Variants in CENPI observed in about 807,000 individuals in gnomAD.
The protein encoded by CENPI is FSH primary response 1.
A neutral mutation model predicts 60.4 loss-of-function variants in CENPI; 4 were observed. That is an observed-to-expected ratio of 0.07 (90% CI 0.03 to 0.15). CENPI has a LOEUF of 0.15. CENPI is among the 10% of genes least tolerant of loss of function. The probability of loss-of-function intolerance (pLI) is 1.00; values close to 1 mark genes in which losing one functional copy is unlikely to be tolerated. For missense variants in CENPI, 444 were observed against 534.5 expected (o/e 0.83, Z 1.67); for synonymous variants, 157 against 189.4 (o/e 0.83, Z 1.40).
intron 15 of CENPI, among the ~76,000 whole-genome samples, chrX:101,136,479 C>T (rs940787733): frequency 8.9e-6 from 1 of 112,049 alleles, no homozygotes; most frequent in South Asian, 3.7e-4. Context: ...ATTAGCTAAA[C>T]GTTAGTTTCT....
intron 6 of CENPI, among the ~76,000 whole-genome samples, chrX:101,110,583 C>G (rs933426568): frequency 8.9e-6 from 1 of 112,329 alleles, no homozygotes; most frequent in Non-Finnish European, 1.9e-5. Context: ...ATGTGAATCA[C>G]TCATCTAACT....
chrX:101,151,550 C>T (rs1415392726), intron 20 of CENPI, among the ~76,000 whole-genome samples: 3 of 111,436 alleles, frequency 2.7e-5, no homozygotes, highest in African/African-American at 6.5e-5. Context: ...TATGATGAAG[C>T]CAGGCACGGG....
chrX:101,176,882 G>A, the CENPI span, among the ~76,000 whole-genome samples: 1 of 112,237 alleles, frequency 8.9e-6, no homozygotes, highest in Admixed American at 9.5e-5. Flanking sequence ...AGTCTTTACC[G>A]TGCTGAGTTG....
chrX:101,128,622 G>A, intron 11 of CENPI, 94 bp from the exon 12 acceptor site: 2 of 958,121 alleles, frequency 2.1e-6, no homozygotes, highest in Non-Finnish European at 2.9e-6. Context: ...GAGCCACCAT[G>A]CCCAGCCTAT....
At position 101,127,228 on chromosome X, in the gene CENPI, T is replaced by A. The variant is rs759323271; in HGVS notation, c.868T>A (p.Leu290Met). ...NRGPSPEPLK[L>M]MLGPANVRPL... ...GGGACCTTCTCCAGAACCTCTGAAG[T>A]TGATGTTAGGTCCAGCTAATGTTCG... Residue 290 changes from leucine to methionine, a missense_variant, in exon 10 of 22, where the codon TTG becomes ATG. Leu to Met is a conservative substitution (Grantham distance 15). Transcript: ENST00000682095. The A allele has an allele frequency of 8.4e-7, 1 of 1,195,250 alleles. No individual in the cohort carries two copies. Among genetic ancestry groups the A allele is most frequent in the Admixed American group, 2.3e-5 (1 of 44,218 alleles).
intron 6 of CENPI, among the ~76,000 whole-genome samples, chrX:101,113,281 T>TCA (rs2089576153): frequency 1.5e-5 from 1 of 68,065 alleles, no homozygotes; most frequent in African/African-American, 6.0e-5. Context: ...CTCCATCCCT[T>TCA]TACACACACA....
chrX:101,147,740 A>G, intron 18 of CENPI, 23 bp from the exon 19 acceptor site: 1 of 1,163,330 alleles, frequency 8.6e-7, no homozygotes, highest in Non-Finnish European at 1.2e-6. Flanking sequence ...TAAATGTTTC[A>G]TTCTGTTTGT....
At chrX:101,121,630 G>A (rs5920885) in intron 8 of CENPI, among the ~76,000 whole-genome samples, 16,678 of 109,490 alleles carry the variant, frequency 0.15, 1,198 homozygotes, top group Middle Eastern at 0.22. Context: ...ATTTAAGTAG[G>A]CAAAGAAGGG....
intron 2 of CENPI, chrX:101,098,750 T>G (rs2089374603): frequency 9.0e-6 from 1 of 111,620 alleles, no homozygotes; most frequent in Admixed American, 9.6e-5. Context: ...TCTGGACTTC[T>G]GCGACAGCCT....
intron 6 of CENPI, among the ~76,000 whole-genome samples, chrX:101,114,525 G>A (rs1025080452): frequency 6.3e-5 from 7 of 111,851 alleles, no homozygotes; most frequent in Non-Finnish European, 1.3e-4. Flanking sequence ...GTCTTTATAG[G>A]TTTGCCTATT....
intron 20 of CENPI, among the ~76,000 whole-genome samples, chrX:101,152,219 T>C (rs933199737): frequency 4.6e-5 from 5 of 109,120 alleles, no homozygotes; most frequent in African/African-American, 1.7e-4. Flanking sequence ...CGTGCCACCA[T>C]GCCTGGCTAA....
At chrX:101,138,233 C>T (rs2148214197) in intron 15 of CENPI, among the ~76,000 whole-genome samples, 1 of 107,391 alleles carries the variant, frequency 9.3e-6, no homozygotes, top group East Asian at 3.0e-4. Flanking sequence ...AGTGATCCGC[C>T]CGCCTCGGCC....
chrX:101,176,203 T>C, the CENPI span, among the ~76,000 whole-genome samples: 6 of 112,197 alleles, frequency 5.3e-5, no homozygotes, highest in African/African-American at 1.9e-4. Context: ...GATAGGCACT[T>C]AGGTTTATTC....
chrX:101,150,431 C>T (rs1434628344), intron 20 of CENPI, among the ~76,000 whole-genome samples: 4 of 109,419 alleles, frequency 3.7e-5, no homozygotes, highest in Non-Finnish European at 7.6e-5. Context: ...AGTGCAGTGT[C>T]GCAATCTCGG....
rs768123006 is a variant in CENPI, at chrX:101,162,823, G to T, written c.2137-10G>T. The T allele has an allele frequency of 2.5e-6, 3 of 1,206,674 alleles. No homozygotes were observed. Among genetic ancestry groups the T allele is most frequent in the Admixed American group, 4.4e-5 (2 of 45,336 alleles). On this transcript the variant is annotated splice_polypyrimidine_tract_variant and intron_variant, in intron 21 of 21. Transcript: ENST00000682095. ...TTCGATAAGTAATTTTCCTTTTTCT[G>T]TGCCTGCAGGGAAAGAAATGGAGCT...
intron 15 of CENPI, among the ~76,000 whole-genome samples, chrX:101,138,900 A>G (rs1237930463): frequency 9.3e-6 from 1 of 107,550 alleles, no homozygotes; most frequent in Admixed American, 1.0e-4. Flanking sequence ...TGCTAGGATT[A>G]CAGGTGTGAG....
At chrX:101,117,746 C>G (rs1026107206) in intron 6 of CENPI, among the ~76,000 whole-genome samples, 1 of 111,851 alleles carries the variant, frequency 8.9e-6, no homozygotes, top group South Asian at 3.8e-4. Context: ...CTAACCTATC[C>G]CTGCCTCCCT....
chrX:101,153,446 C>T lies in CENPI; in HGVS notation c.2094+5285C>T, dbSNP rs772673550. Among the ~76,000 whole-genome samples, 5 of 109,363 alleles carry T rather than the reference C, an allele frequency of 4.6e-5. No homozygotes were observed. The South Asian group carries it at 1.2e-3, about 26-fold the overall frequency. 95.0% of individuals were successfully genotyped at this position (109,363 alleles called of 115,157 possible). On this transcript the variant is annotated intron_variant, in intron 20 of 21. Transcript: ENST00000682095. ...CTGAGTAGCTGGGACTACAAGCGCACGCCACCACTCCTGACCGTTTTTTGT... is the reference window on the plus strand; with the variant it reads ...CTGAGTAGCTGGGACTACAAGCGCATGCCACCACTCCTGACCGTTTTTTGT...
intron 15 of CENPI, among the ~76,000 whole-genome samples, chrX:101,138,342 AT>A (rs1244802720): frequency 1.6e-3 from 157 of 96,397 alleles, no homozygotes; most frequent in African/African-American, 1.8e-3. Context: ...GGAATTAAAG[AT>A]TTTTTTTTTT....
Sources: allele counts gnomAD v4.1 joint callset (sites outside exome capture counted in the v4.1 genomes callset), GRCh38; gene constraint gnomAD v4.1.1; transcripts MANE v1.5; gene names NCBI Gene and HGNC (gene_info 2026-07-23, HGNC 2026-07-21).